HDX: variants seen among roughly 807,000 people sequenced by gnomAD.
HDX encodes chromosome X open reading frame 43.
HDX carries 19 observed loss-of-function variants against 45.2 expected under a neutral mutation model. The observed-to-expected ratio is 0.42, with a 90% CI of 0.29 to 0.62. The LOEUF (loss-of-function observed/expected upper bound fraction) is 0.62. Among genes scored for constraint, HDX ranks in the 20% least tolerant of loss-of-function variants. The probability of loss-of-function intolerance (pLI) is 0.20; values close to 1 mark genes in which losing one functional copy is unlikely to be tolerated. For missense variants in HDX, 532 were observed against 493.9 expected (o/e 1.08, Z -0.73); for synonymous variants, 188 against 172.8 (o/e 1.09, Z -0.69).
intron 5 of HDX, among the ~76,000 whole-genome samples, chrX:84,381,477 T>C (rs1333852630): frequency 1.8e-5 from 2 of 111,086 alleles, no homozygotes; most frequent in African/African-American, 6.5e-5. Flanking sequence ...CAAAACAGCA[T>C]GATCTGGCAT....
intron 5 of HDX, among the ~76,000 whole-genome samples, chrX:84,394,967 G>A (rs771683937): frequency 9.0e-6 from 1 of 111,123 alleles, no homozygotes; most frequent in South Asian, 3.7e-4. Context: ...CATCTTTTAA[G>A]TGGATAGATA....
At chrX:84,347,852 C>T (rs933126211) in intron 6 of HDX, among the ~76,000 whole-genome samples, 10 of 111,164 alleles carry the variant, frequency 9.0e-5, no homozygotes, top group Non-Finnish European at 1.5e-4. Flanking sequence ...TATTTGTTTT[C>T]CCCCTCTGGC....
At chrX:84,446,591 C>A (rs2039879610) in intron 4 of HDX, among the ~76,000 whole-genome samples, 1 of 110,650 alleles carries the variant, frequency 9.0e-6, no homozygotes, top group Non-Finnish European at 1.9e-5. Flanking sequence ...TACATTTATT[C>A]TGTAATTAAA....
intron 8 of HDX, among the ~76,000 whole-genome samples, chrX:84,335,899 G>A (rs751547459): frequency 2.7e-5 from 3 of 110,273 alleles, no homozygotes; most frequent in Non-Finnish European, 3.8e-5. Flanking sequence ...TATTTTATGC[G>A]CTCAACTTTT....
chrX:84,455,819 G>A lies in HDX; in HGVS notation c.1251+12653C>T, dbSNP rs1156914862. ...TCAAGGATAAAAAAGAATCCTAAAA[G>A]CAGCAAGAGAAAAGAAACAAATGAC... On this transcript the variant is annotated intron_variant, in intron 4 of 10. Transcript: ENST00000373177. Among the ~76,000 whole-genome samples the A allele has an allele frequency of 4.5e-5, 5 of 112,075 alleles. No individual in the cohort carries two copies. In the East Asian group the frequency reaches 1.4e-3, roughly 31 times the overall value.
In HDX at chrX:84,469,387, A is replaced by G. The variant is rs1338582881; in HGVS notation, c.336T>C (p.Ser112=). 8.3e-7 allele frequency: 1 copy of G among 1,208,712 alleles called. No individual in the cohort carries two copies. Among genetic ancestry groups the G allele is most frequent in the Non-Finnish European group, 1.1e-6 (1 of 893,319 alleles). Residue 112 remains serine (S), a synonymous_variant, in exon 4 of 11, where the codon AGT becomes AGC. Coordinates refer to ENST00000373177, the MANE Select transcript of HDX (RefSeq NM_001177479.2). Reference sequence around the variant, plus strand: ...CTTGCCTACTTGATGAACTGGCTGGACTGTATATACCAGTTACAATGACAT... The same window carrying G: ...CTTGCCTACTTGATGAACTGGCTGGGCTGTATATACCAGTTACAATGACAT... The part of the protein sequence containing the change: ...NNDVIVTGIY[S]PASSSSRQGT...
chrX:84,395,701 C>G (rs1389819849), intron 5 of HDX, among the ~76,000 whole-genome samples: 1 of 111,311 alleles, frequency 9.0e-6, no homozygotes, highest in Admixed American at 9.6e-5. Context: ...TCCTGGGACT[C>G]CACAAATTTG....
intron 5 of HDX, among the ~76,000 whole-genome samples, chrX:84,377,515 T>A (rs978418828): frequency 1.8e-5 from 2 of 111,284 alleles, no homozygotes; most frequent in Non-Finnish European, 3.8e-5. Flanking sequence ...GAGAAGAAAT[T>A]CAGAATCCTA....
In HDX at chrX:84,468,344, C is replaced by T. The variant is rs756213884; in HGVS notation, c.1251+128G>A. On this transcript the variant is annotated intron_variant, in intron 4 of 10. Coordinates refer to ENST00000373177, the MANE Select transcript of HDX (RefSeq NM_001177479.2). The stretch of plus-strand genomic sequence containing the variant: ...GAACAAGATTCTTCAAGGAGTTAAC[C>T]CCAAACCACCACTTTGAAGCAAAAA... 4 of 410,510 alleles carry T rather than the reference C, an allele frequency of 9.7e-6. No homozygotes were observed. In the South Asian group the frequency reaches 2.3e-4, roughly 24 times the overall value. The allele number at this position is 410,510 out of a possible 1,213,427, so 33.8% of individuals were successfully genotyped here. A position where few individuals can be genotyped will look rare whatever the true frequency, so the allele number is the denominator to read the frequency against.
intron 5 of HDX, among the ~76,000 whole-genome samples, chrX:84,436,483 T>C (rs1335033800): frequency 8.9e-6 from 1 of 112,238 alleles, no homozygotes; most frequent in African/African-American, 3.2e-5. Context: ...TTGGCTTTAA[T>C]ACTGCCTTTG....
intron 5 of HDX, among the ~76,000 whole-genome samples, chrX:84,410,299 T>A (rs989260501): frequency 9.0e-6 from 1 of 111,168 alleles, no homozygotes. Flanking sequence ...TGGTTACAGA[T>A]GGCTCCTATT....
At chrX:84,404,967 G>T (rs1026401642) in intron 5 of HDX, among the ~76,000 whole-genome samples, 2 of 110,975 alleles carry the variant, frequency 1.8e-5, no homozygotes, top group African/African-American at 6.5e-5. Flanking sequence ...CCTATACATT[G>T]TATGAAAATT....
rs2037624443 is a variant in HDX at position 84,361,607 on chromosome X, C to T, written c.1311G>A (p.Gln437=). Residue 437 remains glutamine, a synonymous_variant, in exon 6 of 11, where the codon CAG becomes CAA. Coordinates refer to ENST00000373177, the MANE Select transcript of HDX (RefSeq NM_001177479.2). ...ITGCSRKRAL[Q]DRTQFSDRDL... ...CTCGGTCACTGAACTGAGTGCGGTCCTGTAGCTGAAAAACACATTTTTAAA... is the reference window on the plus strand; with the variant it reads ...CTCGGTCACTGAACTGAGTGCGGTCTTGTAGCTGAAAAACACATTTTTAAA... 8.6e-7 allele frequency: 1 copy of T among 1,165,011 alleles called. No individual in the cohort carries two copies.
At chrX:84,497,105 T>G (rs1288223734) in intron 1 of HDX, among the ~76,000 whole-genome samples, 1 of 112,062 alleles carries the variant, frequency 8.9e-6, no homozygotes, top group Non-Finnish European at 1.9e-5. Flanking sequence ...TTGCATTTCT[T>G]TCAACTTCCA....
At chrX:84,355,259 T>C (rs1206553265) in intron 6 of HDX, among the ~76,000 whole-genome samples, 2 of 110,586 alleles carry the variant, frequency 1.8e-5, no homozygotes, top group African/African-American at 6.6e-5. Context: ...TATTTGACCA[T>C]GCAAGGGTAC....
chrX:84,354,952 T>TACAC (rs1569291016), intron 6 of HDX, among the ~76,000 whole-genome samples: 33 of 92,960 alleles, frequency 3.5e-4, no homozygotes, highest in African/African-American at 1.2e-3. Context: ...TATATATATA[T>TACAC]ATATATATAT....
chrX:84,415,870 T>C (rs1214493007), intron 5 of HDX, among the ~76,000 whole-genome samples: 1 of 111,865 alleles, frequency 8.9e-6, no homozygotes, highest in Non-Finnish European at 1.9e-5. Flanking sequence ...GAATAGAACG[T>C]TAAAAACAGT....
At chrX:84,357,857 T>C (rs2037524163) in intron 6 of HDX, among the ~76,000 whole-genome samples, 2 of 112,325 alleles carry the variant, frequency 1.8e-5, no homozygotes. Flanking sequence ...GGGATATAAG[T>C]GAACAGATCT....
intron 4 of HDX, among the ~76,000 whole-genome samples, chrX:84,457,952 A>G (rs923419343): frequency 1.8e-5 from 2 of 112,064 alleles, no homozygotes; most frequent in African/African-American, 6.5e-5. Context: ...AAATCATTCG[A>G]ACATTTGTGT....
Sources: allele counts gnomAD v4.1 joint callset (sites outside exome capture counted in the v4.1 genomes callset), GRCh38; gene constraint gnomAD v4.1.1; transcripts MANE v1.5; gene names NCBI Gene and HGNC (gene_info 2026-07-23, HGNC 2026-07-21).